The following OSBPL10 variants were observed in gnomAD, a reference collection of about 807,000 sequenced individuals.
The protein encoded by OSBPL10 is oxysterol binding protein like 10.
A neutral mutation model predicts 81.7 loss-of-function variants in OSBPL10; 49 were observed. That is an observed-to-expected ratio of 0.60 (90% CI 0.48 to 0.76). OSBPL10 has a LOEUF of 0.76. Among genes scored for constraint, OSBPL10 ranks in the 30% least tolerant of loss-of-function variants. The pLI, the probability that OSBPL10 is intolerant of heterozygous loss-of-function variation, is 0.00. For missense variants in OSBPL10, 923 were observed against 987.8 expected, an observed-to-expected ratio of 0.93 and a Z score of 0.88; for synonymous variants, 419 against 383.6, an observed-to-expected ratio of 1.09 and a Z score of -1.08.
intron 2 of OSBPL10, among the ~76,000 whole-genome samples, chr3:32,010,174 T>C (rs891705075): frequency 1.3e-5 from 2 of 150,764 alleles, no homozygotes; most frequent in African/African-American, 4.9e-5. Context: ...GAGACAGAAA[T>C]GCAGGTGCAC....
chr3:31,761,798 G>C (rs1479076359), intron 4 of OSBPL10, among the ~76,000 whole-genome samples: 1 of 113,374 alleles, frequency 8.8e-6, no homozygotes, highest in African/African-American at 6.1e-5. Context: ...CTGGGCAACA[G>C]AGCAAGACTG....
At chr3:31,755,064 C>T (rs1697845956) in intron 4 of OSBPL10, among the ~76,000 whole-genome samples, 2 of 152,228 alleles carry the variant, frequency 1.3e-5, no homozygotes, top group South Asian at 2.1e-4. Context: ...GATTTGCTTG[C>T]TTCATCTCCT....
intron 7 of OSBPL10, among the ~76,000 whole-genome samples, chr3:31,697,892 A>C (rs1044610917): frequency 6.6e-6 from 1 of 151,934 alleles, no homozygotes; most frequent in African/African-American, 2.4e-5. Context: ...CCTCCCAAGT[A>C]GCTGGGATTA....
chr3:31,794,467 TG>T, intron 4 of OSBPL10: 2 of 205,046 alleles, frequency 9.8e-6, no homozygotes. Flanking sequence ...CTCACATAGT[TG>T]AATGGCCATG....
At chr3:32,072,629 T>C (rs1374161060) in intron 1 of OSBPL10, among the ~76,000 whole-genome samples, 1 of 152,194 alleles carries the variant, frequency 6.6e-6, no homozygotes, top group Non-Finnish European at 1.5e-5. Flanking sequence ...AAATCACTTC[T>C]CAGTGTTCCA....
intron 1 of OSBPL10, among the ~76,000 whole-genome samples, chr3:31,926,289 G>GCCCCCCCCCCCCCC (rs36122261): frequency 3.1e-5 from 4 of 130,198 alleles, no homozygotes; most frequent in African/African-American, 6.2e-5. Context: ...GGGTGATTTT[G>GCCCCCCCCCCCCCC]CCCCCCCAGA....
chr3:31,811,279 G>C (rs1280124865), intron 4 of OSBPL10, among the ~76,000 whole-genome samples: 1 of 152,200 alleles, frequency 6.6e-6, no homozygotes, highest in Non-Finnish European at 1.5e-5. Flanking sequence ...GAAGACCTCA[G>C]CAGAGGTGCC....
At chr3:31,669,226 CACGACTAAAGAACTT>C (rs1700268093) in intron 9 of OSBPL10, among the ~76,000 whole-genome samples, 1 of 151,970 alleles carries the variant, frequency 6.6e-6, no homozygotes, top group African/African-American at 2.4e-5. Flanking sequence ...TCTCACAAAT[CACGACTAAAGAACTT>C]ACTCATGTAA....
At chr3:31,920,300 C>CA (rs1289220667) in intron 1 of OSBPL10, among the ~76,000 whole-genome samples, 1 of 152,044 alleles carries the variant, frequency 6.6e-6, no homozygotes, top group Non-Finnish European at 1.5e-5. Context: ...TGGATATATG[C>CA]AAATTTGAAA....
At chr3:32,035,172 G>C (rs997327353) in intron 2 of OSBPL10, among the ~76,000 whole-genome samples, 2 of 152,176 alleles carry the variant, frequency 1.3e-5, no homozygotes, top group African/African-American at 4.8e-5. Flanking sequence ...GCCTACTCTG[G>C]TTTGGGAGCC....
intron 6 of OSBPL10, among the ~76,000 whole-genome samples, chr3:31,707,832 T>C (rs1049090237): frequency 6.6e-6 from 1 of 152,208 alleles, no homozygotes; most frequent in Non-Finnish European, 1.5e-5. Context: ...AGGGCAAGTG[T>C]ACTTATGTTT....
chr3:31,829,361 C>T (rs1192428324), intron 4 of OSBPL10, among the ~76,000 whole-genome samples: 1 of 152,210 alleles, frequency 6.6e-6, no homozygotes, highest in Non-Finnish European at 1.5e-5. Flanking sequence ...CTGATGACTT[C>T]TCAGTGCATC....
intron 2 of OSBPL10, among the ~76,000 whole-genome samples, chr3:32,034,901 G>A (rs1459753964): frequency 6.6e-6 from 1 of 152,154 alleles, no homozygotes; most frequent in Non-Finnish European, 1.5e-5. Context: ...TAAATATCAA[G>A]TATACAGCTA....
chr3:31,937,797 A>G (rs1312100176), intron 1 of OSBPL10, among the ~76,000 whole-genome samples: 1 of 152,154 alleles, frequency 6.6e-6, no homozygotes, highest in African/African-American at 2.4e-5. Context: ...TTTCCAATAT[A>G]AGACTCCTCC....
chr3:31,900,025 C>CTT (rs11423783), intron 1 of OSBPL10, among the ~76,000 whole-genome samples: 273 of 135,472 alleles, frequency 2.0e-3, no homozygotes, highest in Middle Eastern at 0.012. Context: ...GAAAATAAAA[C>CTT]TTTTTTTTTT....
At chr3:31,832,950 G>A (rs1359117806) in intron 3 of OSBPL10, among the ~76,000 whole-genome samples, 1 of 152,174 alleles carries the variant, frequency 6.6e-6, no homozygotes, top group African/African-American at 2.4e-5. Flanking sequence ...CGAGAGCCAG[G>A]GTAGAAATCA....
At chr3:31,847,911 C>T (rs1353295702) in intron 3 of OSBPL10, among the ~76,000 whole-genome samples, 1 of 152,100 alleles carries the variant, frequency 6.6e-6, no homozygotes, top group African/African-American at 2.4e-5. Flanking sequence ...CACAGCGGGG[C>T]TGCCTGTGGG....
chr3:31,831,360 C>T (rs1279323178), intron 3 of OSBPL10, among the ~76,000 whole-genome samples: 4 of 150,914 alleles, frequency 2.7e-5, no homozygotes, highest in African/African-American at 7.3e-5. Context: ...GAGCCGAGAT[C>T]GTGCCATTGC....
At position 31,758,483 on chromosome 3, in the gene OSBPL10, G is replaced by A. The variant is rs576512075; in HGVS notation, c.730-10363C>T. On this transcript the variant is annotated intron_variant, in intron 4 of 11. Coordinates refer to ENST00000396556, the MANE Select transcript of OSBPL10 (RefSeq NM_017784.5). ...GGCTTTCTTCCCTAAGGGCTAAACA[G>A]AAACCAGCCCTTTCAAACAACTCCA... 9.9e-5 allele frequency among the ~76,000 whole-genome samples: 15 copies of A among 152,098 alleles called. 1 individual carries two copies. Among genetic ancestry groups the A allele is most frequent in the Admixed American group, 3.9e-4 (6 of 15,280 alleles).
Sources: allele counts gnomAD v4.1 joint callset (sites outside exome capture counted in the v4.1 genomes callset), GRCh38; gene constraint gnomAD v4.1.1; transcripts MANE v1.5; gene names NCBI Gene and HGNC (gene_info 2026-07-23, HGNC 2026-07-21).